Variants in P3H2 observed in about 807,000 individuals in gnomAD.
P3H2 encodes the protein leprecan-like 1.
A neutral mutation model predicts 87.0 loss-of-function variants in P3H2; 80 were observed. That is an observed-to-expected ratio of 0.92 (90% CI 0.77 to 1.11). P3H2 has a LOEUF of 1.11. Among genes scored for constraint, P3H2 ranks in the 50% least tolerant of loss-of-function variants. P3H2 has a pLI of 0.00. For missense variants in P3H2, 1,001 were observed against 923.9 expected (o/e 1.08, Z -1.08); for synonymous variants, 367 against 359.3 (o/e 1.02, Z -0.24).
chr3:190,010,198 G>C (rs935663523), intron 1 of P3H2, among the ~76,000 whole-genome samples: 4 of 152,132 alleles, frequency 2.6e-5, no homozygotes, highest in Non-Finnish European at 4.4e-5. Flanking sequence ...ATCATGTGTA[G>C]ACTGGGCAGA....
intron 1 of P3H2, among the ~76,000 whole-genome samples, chr3:190,080,594 G>GT (rs1382052486): frequency 2.0e-5 from 3 of 152,036 alleles, no homozygotes; most frequent in South Asian, 4.2e-4. Flanking sequence ...TAAAGACAGG[G>GT]TTTTTCCATG....
At chr3:190,082,808 T>G (rs1470700561) in intron 1 of P3H2, among the ~76,000 whole-genome samples, 1 of 152,206 alleles carries the variant, frequency 6.6e-6, no homozygotes, top group East Asian at 1.9e-4. Context: ...TAATGTTTTC[T>G]TCTTGTTACT....
At chr3:189,965,079 C>T (rs548931046) in intron 13 of P3H2, among the ~76,000 whole-genome samples, 3 of 152,214 alleles carry the variant, frequency 2.0e-5, no homozygotes, top group South Asian at 2.1e-4. Flanking sequence ...AAAAGTGGCA[C>T]TAGCCATTTT....
chr3:190,070,265 G>C lies in P3H2; in HGVS notation c.480+49987C>G, dbSNP rs115161250. 4.5e-3 allele frequency among the ~76,000 whole-genome samples: 691 copies of C among 152,218 alleles called. 4 individuals carry two copies. Among genetic ancestry groups the C allele is most frequent in the African/African-American group, 0.015 (607 of 41,514 alleles). ...TACTATTGAGAGAGGAAGAGAAGCA[G>C]ATTTTGGCTCAGTGCATTGGAGGAA... On this transcript the variant is annotated intron_variant, in intron 1 of 14. Coordinates refer to ENST00000319332, the MANE Select transcript of P3H2 (RefSeq NM_018192.4).
Position 189,988,981 on chromosome 3 carries a change from C to A in P3H2, c.881G>T (p.Arg294Leu), listed in dbSNP as rs377087463. ...CTCGATGGGAGAGAGGCGGCCAGGGCGGGTGGCAAGTTCCCTCACACATTC... is the reference window on the plus strand; with the variant it reads ...CTCGATGGGAGAGAGGCGGCCAGGGAGGGTGGCAAGTTCCCTCACACATTC... ...QHECVRELAT[R>L]PGRLSPIENF... is the part of the protein sequence containing the mutation. Residue 294 changes from arginine (R) to leucine (L), a missense_variant, in exon 4 of 15, where the codon CGC becomes CTC. Coordinates refer to ENST00000319332, the MANE Select transcript of P3H2 (RefSeq NM_018192.4). 6.2e-7 allele frequency: 1 copy of A among 1,613,962 alleles called. No individual in the cohort carries two copies. The highest frequency in any genetic ancestry group is 8.5e-7 in the Non-Finnish European group (1 of 1,179,966).
At chr3:190,021,723 C>T (rs1320700257) in intron 1 of P3H2, among the ~76,000 whole-genome samples, 1 of 134,658 alleles carries the variant, frequency 7.4e-6, no homozygotes, top group Admixed American at 7.6e-5. Flanking sequence ...CCCAGTTATT[C>T]ACTTTTTCAA....
At chr3:190,044,702 C>G (rs1199624797) in intron 1 of P3H2, among the ~76,000 whole-genome samples, 3 of 152,134 alleles carry the variant, frequency 2.0e-5, no homozygotes, top group Non-Finnish European at 4.4e-5. Flanking sequence ...CAAAAACTAT[C>G]ACATATGGAG....
At chr3:190,007,302 C>T (rs1040110181) in intron 1 of P3H2, among the ~76,000 whole-genome samples, 1 of 152,106 alleles carries the variant, frequency 6.6e-6, no homozygotes, top group Admixed American at 6.5e-5. Flanking sequence ...AAATGCAAAG[C>T]TAAAGGCATG....
At chr3:190,071,698 T>C (rs548965050) in intron 1 of P3H2, among the ~76,000 whole-genome samples, 22 of 152,234 alleles carry the variant, frequency 1.4e-4, no homozygotes, top group African/African-American at 5.1e-4. Context: ...AAAGAGTCAT[T>C]TGAGAGTGAT....
At chr3:190,039,582 T>G (rs1725537657) in intron 1 of P3H2, among the ~76,000 whole-genome samples, 1 of 152,232 alleles carries the variant, frequency 6.6e-6, no homozygotes, top group Non-Finnish European at 1.5e-5. Flanking sequence ...GAGTAACCAC[T>G]ACACAGGGAA....
chr3:190,036,225 T>C (rs1018346233), intron 1 of P3H2, among the ~76,000 whole-genome samples: 35 of 152,210 alleles, frequency 2.3e-4, no homozygotes, highest in African/African-American at 8.0e-4. Flanking sequence ...CTTTCTCATT[T>C]TTCAGTTAGT....
At chr3:189,989,831 C>A (rs918683516) in intron 3 of P3H2, among the ~76,000 whole-genome samples, 1 of 152,128 alleles carries the variant, frequency 6.6e-6, no homozygotes, top group Non-Finnish European at 1.5e-5. Flanking sequence ...CTTCATGCCA[C>A]CTTTGGCTCT....
At chr3:190,042,461 T>C (rs1725668011) in intron 1 of P3H2, among the ~76,000 whole-genome samples, 1 of 151,468 alleles carries the variant, frequency 6.6e-6, no homozygotes, top group Non-Finnish European at 1.5e-5. Flanking sequence ...TGTGTGTATG[T>C]AGAATCTGGC....
chr3:189,997,294 C>T (rs143494089), intron 1 of P3H2, among the ~76,000 whole-genome samples: 1 of 152,144 alleles, frequency 6.6e-6, no homozygotes, highest in Non-Finnish European at 1.5e-5. Flanking sequence ...ATGCTTTAGT[C>T]ATGGAGAATT....
chr3:190,036,951 T>TAC (rs1228038264), intron 1 of P3H2, among the ~76,000 whole-genome samples: 2 of 151,302 alleles, frequency 1.3e-5, no homozygotes, highest in Admixed American at 6.6e-5. Flanking sequence ...TAAAAATATA[T>TAC]ATATATATTT....
intron 1 of P3H2, among the ~76,000 whole-genome samples, chr3:190,095,675 A>C (rs139273360): frequency 0.017 from 2,519 of 145,152 alleles, 66 homozygotes; most frequent in African/African-American, 0.062. Context: ...ATCTCGGCTC[A>C]CTGCAAGCTC....
In P3H2 at chr3:189,994,087, C is replaced by T. The variant is rs781081037; in HGVS notation, c.823+7G>A. On this transcript the variant is annotated splice_region_variant and intron_variant, in intron 3 of 14. Coordinates refer to ENST00000319332, the MANE Select transcript of P3H2 (RefSeq NM_018192.4). ...GAAAGAAATAAAATGAAAAATTAAG[C>T]TTTTACCTGCAATAGCTTCATACAG... is the stretch of plus-strand genomic sequence containing the variant. 28 of 1,602,474 alleles carry T rather than the reference C, an allele frequency of 1.7e-5. No individual in the cohort carries two copies. The African/African-American group carries it at 3.6e-4, about 21-fold the overall frequency.
intron 1 of P3H2, among the ~76,000 whole-genome samples, chr3:190,002,338 T>C (rs1041996118): frequency 1.3e-5 from 2 of 152,172 alleles, no homozygotes; most frequent in East Asian, 3.8e-4. Flanking sequence ...AAGCTCAGAA[T>C]TGCATTCACT....
Position 190,117,340 on chromosome 3 carries a change from A to G in P3H2, c.480+2912T>C, listed in dbSNP as rs192392543. 2.6e-5 allele frequency among the ~76,000 whole-genome samples: 4 copies of G among 152,330 alleles called. No individual in the cohort carries two copies. In the East Asian group the frequency reaches 5.8e-4, roughly 22 times the overall value. On this transcript the variant is annotated intron_variant, in intron 1 of 14. Transcript: ENST00000319332. ...TGCTTTCATCGGAGGCCCACTCAGC[A>G]GGATTTGGGGGAGCAGTAACATCTC...
Sources: allele counts gnomAD v4.1 joint callset (sites outside exome capture counted in the v4.1 genomes callset), GRCh38; gene constraint gnomAD v4.1.1; transcripts MANE v1.5; gene names NCBI Gene and HGNC (gene_info 2026-07-23, HGNC 2026-07-21).